SNTB1: variants seen among roughly 807,000 people sequenced by gnomAD.
SNTB1 encodes the protein beta-1-syntrophin.
SNTB1 carries 36 observed loss-of-function variants against 48.9 expected under a neutral mutation model. The observed-to-expected ratio is 0.74, with a 90% confidence interval of 0.56 to 0.97. The LOEUF (loss-of-function observed/expected upper bound fraction) is 0.97, where lower values mean the gene tolerates loss of function less well. Ranked by LOEUF, SNTB1 falls within the 50% of genes least tolerant of loss-of-function variation. The pLI is 0.00. For synonymous variants in SNTB1, 299 were observed against 294.6 expected (o/e 1.01, Z -0.15); for missense variants, 786 against 703.4 (o/e 1.12, Z -1.33).
At chr8:120,542,849 T>C (rs1815314452) in intron 5 of SNTB1, among the ~76,000 whole-genome samples, 1 of 152,136 alleles carries the variant, frequency 6.6e-6, no homozygotes, top group South Asian at 2.1e-4. Context: ...TAGTCTATTT[T>C]TTAATAGTAT....
intron 4 of SNTB1, among the ~76,000 whole-genome samples, chr8:120,569,431 G>T (rs918535014): frequency 6.6e-5 from 10 of 152,208 alleles, no homozygotes; most frequent in African/African-American, 2.4e-4. Context: ...ACCTGTAGCA[G>T]ACACTTTCAG....
Position 120,713,009 on chromosome 8 carries a change from A to C in SNTB1, c.572-19101T>G, listed in dbSNP as rs562878219. Among the ~76,000 whole-genome samples the C allele has an allele frequency of 3.3e-5, 5 of 152,294 alleles. No individual in the cohort carries two copies. The East Asian group carries it at 9.6e-4, about 29-fold the overall frequency. On this transcript the variant is annotated intron_variant, in intron 1 of 6. Coordinates refer to ENST00000517992, the MANE Select transcript of SNTB1 (RefSeq NM_021021.4). Reference sequence around the variant, plus strand: ...CAGAGACCCATCTCTATTCCCAGGAAGAAAAGCATCTAAAATGCATTGACT... The same window carrying C: ...CAGAGACCCATCTCTATTCCCAGGACGAAAAGCATCTAAAATGCATTGACT...
At chr8:120,779,950 G>T (rs1446367798) in intron 1 of SNTB1, among the ~76,000 whole-genome samples, 1 of 152,042 alleles carries the variant, frequency 6.6e-6, no homozygotes, top group Non-Finnish European at 1.5e-5. Flanking sequence ...ATCCACGTAG[G>T]GCTCTAGATA....
chr8:120,808,608 C>T (rs930728009), intron 1 of SNTB1, among the ~76,000 whole-genome samples: 1 of 152,206 alleles, frequency 6.6e-6, no homozygotes, highest in Non-Finnish European at 1.5e-5. Context: ...TTCTTCCATA[C>T]AGCAGCCCTG....
rs974659091 is a variant in SNTB1 at position 120,608,008 on chromosome 8, A to G, written c.996+24436T>C. Among the ~76,000 whole-genome samples the G allele has an allele frequency of 2.6e-5, 4 of 152,252 alleles. 1 individual carries two copies. The highest frequency in any genetic ancestry group is 2.6e-4 in the Admixed American group (4 of 15,284). On this transcript the variant is annotated intron_variant, in intron 3 of 6. Coordinates refer to ENST00000517992, the MANE Select transcript of SNTB1 (RefSeq NM_021021.4). ...TTCTGCCTCGTGAGGGTCTGGGGTT[A>G]GCACTTATATTGCCTACATGATCCA...
At position 120,703,916 on chromosome 8, in the gene SNTB1, C is replaced by T. The variant is rs562363136; in HGVS notation, c.572-10008G>A. ...ATTCTATGAAGTAGGCATACTATTA[C>T]GCCTACCTTATAAGAAAGAAAATTG... On this transcript the variant is annotated intron_variant, in intron 1 of 6. Coordinates refer to ENST00000517992, the MANE Select transcript of SNTB1 (RefSeq NM_021021.4). 7.9e-5 allele frequency among the ~76,000 whole-genome samples: 12 copies of T among 152,316 alleles called. No homozygotes were observed. In the South Asian group the frequency reaches 1.4e-3, roughly 18 times the overall value.
intron 5 of SNTB1, among the ~76,000 whole-genome samples, chr8:120,545,773 C>T (rs1815370803): frequency 6.6e-6 from 1 of 152,192 alleles, no homozygotes; most frequent in African/African-American, 2.4e-5. Context: ...GACTGAGGAA[C>T]TAATTAAATT....
chr8:120,726,595 G>A (rs1187952153), intron 1 of SNTB1, among the ~76,000 whole-genome samples: 2 of 152,210 alleles, frequency 1.3e-5, no homozygotes, highest in Admixed American at 1.3e-4. Context: ...TTACTCTTCA[G>A]CAGAAAGAAA....
intron 2 of SNTB1, among the ~76,000 whole-genome samples, chr8:120,634,674 A>G (rs1770493658): frequency 6.6e-6 from 1 of 152,204 alleles, no homozygotes; most frequent in Non-Finnish European, 1.5e-5. Flanking sequence ...GAGTTTCAAA[A>G]TAACAATTTT....
intron 3 of SNTB1, among the ~76,000 whole-genome samples, chr8:120,609,270 G>A (rs756522621): frequency 4.6e-5 from 7 of 152,232 alleles, no homozygotes; most frequent in Non-Finnish European, 1.0e-4. Context: ...GGTAGAAAGA[G>A]TTCAGTGTGG....
At chr8:120,710,809 A>C (rs1020902327) in intron 1 of SNTB1, among the ~76,000 whole-genome samples, 4 of 152,132 alleles carry the variant, frequency 2.6e-5, no homozygotes, top group African/African-American at 7.2e-5. Context: ...ATAAGAAATA[A>C]ATTTTTTTTT....
chr8:120,607,952 A>G (rs943459601), intron 3 of SNTB1, among the ~76,000 whole-genome samples: 5 of 152,248 alleles, frequency 3.3e-5, no homozygotes, highest in Admixed American at 6.5e-5. Flanking sequence ...TGGATAGGAT[A>G]AAAGGTCTCT....
At chr8:120,554,641 C>T (rs555193104) in intron 4 of SNTB1, among the ~76,000 whole-genome samples, 16 of 152,296 alleles carry the variant, frequency 1.1e-4, no homozygotes, top group Non-Finnish European at 1.2e-4. Flanking sequence ...TTCTTAAATG[C>T]ATGAGAAACA....
intron 5 of SNTB1, 71 bp downstream of exon 5, chr8:120,548,691 A>T: frequency 1.4e-6 from 2 of 1,410,882 alleles, no homozygotes; most frequent in Non-Finnish European, 2.0e-6. Context: ...AAACTACTTT[A>T]AGGCCCCGGT....
chr8:120,793,281 C>G (rs773301905), intron 1 of SNTB1, among the ~76,000 whole-genome samples: 2 of 151,938 alleles, frequency 1.3e-5, no homozygotes, highest in African/African-American at 2.4e-5. Context: ...CAACATTGCA[C>G]CCTAAGAAGA....
At chr8:120,593,992 T>C (rs903061217) in intron 3 of SNTB1, among the ~76,000 whole-genome samples, 1 of 152,200 alleles carries the variant, frequency 6.6e-6, no homozygotes, top group Non-Finnish European at 1.5e-5. Context: ...TTATGGGCCT[T>C]TGATACTTTT....
chr8:120,621,248 C>T (rs1389063463), intron 3 of SNTB1, among the ~76,000 whole-genome samples: 3 of 152,208 alleles, frequency 2.0e-5, no homozygotes, highest in Non-Finnish European at 4.4e-5. Flanking sequence ...GCGTGAGCCA[C>T]CATGCCCGGC....
chr8:120,636,972 G>T (rs1348824059), intron 2 of SNTB1: 2 of 321,134 alleles, frequency 6.2e-6, no homozygotes, highest in Admixed American at 3.9e-5. Flanking sequence ...TACTGTTAAG[G>T]CCTGATAATC....
Position 120,695,945 on chromosome 8 carries a change from T to C in SNTB1, c.572-2037A>G, listed in dbSNP as rs1166134425. ...GGACTGTGTATTTTAATAACTATTA[T>C]TTATTTCTGGGCAAAATATTTAAAG... On this transcript the variant is annotated intron_variant, in intron 1 of 6. Transcript: ENST00000517992. Among the ~76,000 whole-genome samples, 6 of 152,348 alleles carry C rather than the reference T, an allele frequency of 3.9e-5. No individual in the cohort carries two copies. The East Asian group carries it at 1.2e-3, about 29-fold the overall frequency.
Sources: gnomAD v4.1 joint callset for allele counts (sites outside exome capture counted in the v4.1 genomes callset) on GRCh38, gnomAD v4.1.1 for gene constraint, MANE v1.5 for transcripts, NCBI Gene and HGNC (gene_info 2026-07-23, HGNC 2026-07-21) for gene names.